Variants in HID1 observed in about 807,000 individuals in gnomAD.
HID1 encodes the protein protein HID1.
HID1 carries 42 observed loss-of-function variants against 89.7 expected under a neutral mutation model. The observed-to-expected ratio is 0.47, with a 90% CI of 0.37 to 0.61. HID1 has a LOEUF of 0.61. Among genes scored for constraint, HID1 ranks in the 20% least tolerant of loss-of-function variants. The pLI, the probability that HID1 is intolerant of heterozygous loss-of-function variation, is 0.00. For synonymous variants in HID1, 442 were observed against 433.8 expected (o/e 1.02, Z -0.24); for missense variants, 854 against 1,039.3 (o/e 0.82, Z 2.45).
Position 74,959,001 on chromosome 17 carries a change from C to A in HID1, c.1059G>T (p.Leu353=). ...TGGAGTTAGGCAGGTAGGTCTGGAG[C>A]AGGGGGTTGGACAGCAGCCGGGCTA... is the stretch of plus-strand genomic sequence containing the variant. ...KGIARLLSNP[L]LQTYLPNSTK... is the part of the protein sequence containing the mutation. Residue 353 remains leucine (L), a synonymous_variant, in exon 9 of 19, where the codon CTG becomes CTT. Transcript: ENST00000425042. This position sits in a 1 kb window ranked among gnomAD's most constrained non-coding sequence, Gnocchi z 4.6. 1 of 1,600,752 alleles carries A rather than the reference C, an allele frequency of 6.2e-7. No individual in the cohort carries two copies. Among genetic ancestry groups the A allele is most frequent in the Non-Finnish European group, 8.5e-7 (1 of 1,175,668 alleles).
Position 74,959,808 on chromosome 17 carries a change from C to T in HID1, c.1008+73G>A. The T allele has an allele frequency of 6.7e-7, 1 of 1,497,630 alleles. No homozygotes were observed. The highest frequency in any genetic ancestry group is 1.1e-5 in the South Asian group (1 of 87,968). 92.8% of individuals were successfully genotyped at this position (1,497,630 alleles called of 1,614,324 possible). Reference sequence around the variant, plus strand: ...GAGCATGGTTCCTTCATGGAGGGGTCAGGATCCCCCATATCCCTGTCTCAC... The same window carrying T: ...GAGCATGGTTCCTTCATGGAGGGGTTAGGATCCCCCATATCCCTGTCTCAC... On this transcript the variant is annotated intron_variant, in intron 8 of 18. Coordinates refer to ENST00000425042, the MANE Select transcript of HID1 (RefSeq NM_030630.3). This position sits in a 1 kb window ranked among gnomAD's most constrained non-coding sequence, Gnocchi z 4.6.
chr17:74,960,734 G>A (rs1194344675), intron 6 of HID1, among the ~76,000 whole-genome samples: 1 of 152,216 alleles, frequency 6.6e-6, no homozygotes, highest in Non-Finnish European at 1.5e-5. Flanking sequence ...GGGGTCGCCT[G>A]GCTCCCTTCT....
intron 18 of HID1, 31 bp downstream of exon 18, chr17:74,951,874 G>A: frequency 6.7e-7 from 1 of 1,487,388 alleles, no homozygotes; most frequent in Non-Finnish European, 9.0e-7. Flanking sequence ...CAGGCTCTCA[G>A]GTGGACACCA....
Position 74,951,276 on chromosome 17 carries a change from G to A in HID1, c.*294C>T. 2.0e-6 allele frequency: 1 copy of A among 505,694 alleles called. No homozygotes were observed. Among genetic ancestry groups the A allele is most frequent in the East Asian group, 3.4e-5 (1 of 29,138 alleles). The allele number at this position is 505,694 out of a possible 1,614,324, so 31.3% of individuals were successfully genotyped here. A position where few individuals can be genotyped will look rare whatever the true frequency, so the allele number is the denominator to read the frequency against. ...CACAGGAGTGGGTGGGCACTGAGGG[G>A]CCAGCACTGAGCCAGGTCTTAAAGA... On this transcript the variant is annotated 3_prime_UTR_variant, in exon 19 of 19. Coordinates refer to ENST00000425042, the MANE Select transcript of HID1 (RefSeq NM_030630.3).
At chr17:74,954,076 AC>A (rs1441570758) in intron 14 of HID1, 61 bp downstream of exon 14, 5 of 1,449,762 alleles carry the variant, frequency 3.4e-6, no homozygotes, top group Non-Finnish European at 4.7e-6. Context: ...ACACCCCGAG[AC>A]CATGTCCCTC....
intron 13 of HID1, 74 bp downstream of exon 13, chr17:74,955,718 G>A (rs1453267677): frequency 1.4e-6 from 2 of 1,444,078 alleles, no homozygotes; most frequent in East Asian, 2.4e-5. Context: ...CCACCTCCTG[G>A]GCTGTGCCCC....
chr17:74,964,349 A>C, intron 2 of HID1, 134 bp downstream of exon 2: 1 of 1,006,702 alleles, frequency 9.9e-7, no homozygotes, highest in Non-Finnish European at 1.4e-6. Flanking sequence ...AGAGAACCAC[A>C]GAGAAGTGGA....
Position 74,963,913 on chromosome 17 carries a change from G to A in HID1, c.217-3C>T, listed in dbSNP as rs1359864597. ...CCCTGCACCAGCTTCTCAACGGCCTGTGGGGGCAGGCAGGAGCAGAGGGCA... is the reference window on the plus strand; with the variant it reads ...CCCTGCACCAGCTTCTCAACGGCCTATGGGGGCAGGCAGGAGCAGAGGGCA... On this transcript the variant is annotated splice_polypyrimidine_tract_variant and splice_region_variant and intron_variant, in intron 2 of 18. Coordinates refer to ENST00000425042, the MANE Select transcript of HID1 (RefSeq NM_030630.3). 6 of 1,613,796 alleles carry A rather than the reference G, an allele frequency of 3.7e-6. No homozygotes were observed. In the South Asian group the frequency reaches 4.4e-5, roughly 12 times the overall value.
Position 74,962,381 on chromosome 17 carries a change from A to T in HID1, c.505-41T>A. The T allele has an allele frequency of 7.0e-7, 1 of 1,420,000 alleles. No individual in the cohort carries two copies. The allele number at this position is 1,420,000 out of a possible 1,614,324, so 88.0% of individuals were successfully genotyped here. A position where few individuals can be genotyped will look rare whatever the true frequency, so the allele number is the denominator to read the frequency against. ...GAAGAAGCCGGGTTAGGGGGTCGAG[A>T]GGTGAACAGCAGCCTGGGTCAGAAC... On this transcript the variant is annotated intron_variant, in intron 4 of 18. Transcript: ENST00000425042. This position sits in a 1 kb window ranked among gnomAD's most constrained non-coding sequence, Gnocchi z 4.3.
In HID1 at chr17:74,958,505, A is replaced by C; in HGVS notation, c.1241-27T>G. 6.3e-7 allele frequency: 1 copy of C among 1,576,462 alleles called. No homozygotes were observed. The highest frequency in any genetic ancestry group is 1.3e-5 in the African/African-American group (1 of 74,164). On this transcript the variant is annotated intron_variant, in intron 10 of 18. Coordinates refer to ENST00000425042, the MANE Select transcript of HID1 (RefSeq NM_030630.3). This position sits in a 1 kb window ranked among gnomAD's most constrained non-coding sequence, Gnocchi z 5.2. ...TGCGGCAGGTGGCGTGGGAGGGGTC[A>C]CTCGGGTGGGAGGGGGAAGGAGGGG...
chr17:74,963,520 C>T, intron 3 of HID1: 1 of 588,274 alleles, frequency 1.7e-6, no homozygotes, highest in Non-Finnish European at 3.0e-6. Flanking sequence ...CTCTCCATAC[C>T]CTACTTCCTC....
At chr17:74,955,498 C>CG (rs796303780) in intron 13 of HID1, among the ~76,000 whole-genome samples, 4 of 55,690 alleles carry the variant, frequency 7.2e-5, no homozygotes, top group African/African-American at 1.3e-4. Flanking sequence ...GAGACGCCGT[C>CG]GGGAAAAAAA....
chr17:74,953,467 G>A (rs1404041818), intron 15 of HID1, 78 bp downstream of exon 15: 46 of 1,221,498 alleles, frequency 3.8e-5, no homozygotes, highest in Middle Eastern at 2.6e-4. Flanking sequence ...AGAGTGCCCC[G>A]GCCCAGCCCC....
chr17:74,962,231 C>A lies in HID1; in HGVS notation c.611+3G>T. 2 of 1,602,574 alleles carry A rather than the reference C, an allele frequency of 1.2e-6. No individual in the cohort carries two copies. The highest frequency in any genetic ancestry group is 1.1e-5 in the South Asian group (1 of 90,414). On this transcript the variant is annotated splice_donor_region_variant and intron_variant, in intron 5 of 18. Transcript: ENST00000425042. This position sits in a 1 kb window ranked among gnomAD's most constrained non-coding sequence, Gnocchi z 4.3. ...GAGGGCTCCGGGCCTGGGCGAAGCT[C>A]ACCGGTTCATATCGTGGATGTAGTT...
At chr17:74,954,046 C>T in intron 14 of HID1, 92 bp downstream of exon 14, 1 of 1,243,758 alleles carries the variant, frequency 8.0e-7, no homozygotes, top group Non-Finnish European at 1.1e-6. Context: ...AAGCCATGCT[C>T]TTTGCCAGAG....
chr17:74,972,750 C>G lies in HID1; in HGVS notation c.-94G>C. ...CCAGCTCCGCGGCCCCCGCGGCTCT[C>G]GCAGGAGACAAGCGGCGCGCCCCGC... On this transcript the variant is annotated 5_prime_UTR_variant, in exon 1 of 19. Coordinates refer to ENST00000425042, the MANE Select transcript of HID1 (RefSeq NM_030630.3). The surrounding 1 kb of genome is among the most constrained non-coding windows in gnomAD (Gnocchi z 6.4). The G allele has an allele frequency of 1.9e-5, 24 of 1,232,578 alleles. No individual in the cohort carries two copies. The highest frequency in any genetic ancestry group is 2.6e-5 in the Non-Finnish European group (24 of 922,302). 76.4% of individuals were successfully genotyped at this position (1,232,578 alleles called of 1,614,324 possible).
In HID1 at chr17:74,960,026, A is replaced by C; in HGVS notation, c.951T>G (p.Asp317Glu). Reference protein sequence around the residue: ...TTTGTAMDDADPPGPENLFVN... With the variant: ...TTTGTAMDDAEPPGPENLFVN... ...GTCCCTTCCATGCTCCCATCCTTAC[A>C]TCGGCATCATCCATGGCGGTGCCAG... Residue 317 changes from aspartate (D) to glutamate (E), a missense_variant and splice_region_variant, in exon 7 of 19, where the codon GAT becomes GAG. Transcript: ENST00000425042. 6.2e-7 allele frequency: 1 copy of C among 1,613,400 alleles called. No homozygotes were observed. The highest frequency in any genetic ancestry group is 8.5e-7 in the Non-Finnish European group (1 of 1,179,730).
intron 14 of HID1, 66 bp downstream of exon 14, chr17:74,954,072 C>T (rs1014069909): frequency 7.5e-5 from 108 of 1,439,502 alleles, no homozygotes; most frequent in Admixed American, 1.4e-4. Context: ...GGTGACACCC[C>T]GAGACCATGT....
chr17:74,963,489 G>A lies in HID1; in HGVS notation c.387+251C>T, dbSNP rs187445901. On this transcript the variant is annotated intron_variant, in intron 3 of 18. Coordinates refer to ENST00000425042, the MANE Select transcript of HID1 (RefSeq NM_030630.3). ...GCTCCTCTGCCTCCACCTCTGCCCAGTGACCCCTGGCTCTCAGCTTCTCTC... is the reference window on the plus strand; with the variant it reads ...GCTCCTCTGCCTCCACCTCTGCCCAATGACCCCTGGCTCTCAGCTTCTCTC... The A allele has an allele frequency of 1.2e-3, 664 of 550,742 alleles. 1 individual carries two copies. Among genetic ancestry groups the A allele is most frequent in the Non-Finnish European group, 1.8e-3 (557 of 310,614 alleles). The allele number at this position is 550,742 out of a possible 1,614,324, so 34.1% of individuals were successfully genotyped here.
Sources: allele counts gnomAD v4.1 joint callset (sites outside exome capture counted in the v4.1 genomes callset), GRCh38; gene constraint gnomAD v4.1.1; non-coding constraint Gnocchi (gnomAD v3.1); transcripts MANE v1.5; gene names NCBI Gene and HGNC (gene_info 2026-07-23, HGNC 2026-07-21).